PACRGL: variants seen among roughly 807,000 people sequenced by gnomAD.
PACRGL encodes the protein parkin coregulated like.
PACRGL carries 38 observed loss-of-function variants against 34.5 expected under a neutral mutation model. The ratio of observed to expected loss-of-function variants is 1.10; its 90% CI spans 0.85 to 1.44. The LOEUF (loss-of-function observed/expected upper bound fraction) is 1.44, where lower values mean the gene tolerates loss of function less well. PACRGL is among the 40% of genes most tolerant of loss of function. PACRGL has a pLI of 0.00. For missense variants in PACRGL, 305 were observed against 281.4 expected, an observed-to-expected ratio of 1.08 and a Z score of -0.60; for synonymous variants, 128 against 100.1, an observed-to-expected ratio of 1.28 and a Z score of -1.66.
At chr4:20,704,167 T>C (rs1237341910) in intron 1 of PACRGL, among the ~76,000 whole-genome samples, 4 of 152,238 alleles carry the variant, frequency 2.6e-5, no homozygotes, top group African/African-American at 9.6e-5. Context: ...CTGTGTTTTC[T>C]AATGTGGTCA....
chr4:20,702,101 T>C (rs992277181), intron 1 of PACRGL: 26 of 452,736 alleles, frequency 5.7e-5, no homozygotes, highest in Non-Finnish European at 1.1e-4. Flanking sequence ...TGGTGACTTT[T>C]TGAACTCATT....
rs752130417 is a variant in PACRGL at position 20,729,643 on chromosome 4, CATG to C, written c.*2304_*2306del. 2.0e-5 allele frequency: 3 copies of C among 151,814 alleles called. No homozygotes were observed. The highest frequency in any genetic ancestry group is 4.4e-5 in the Non-Finnish European group (3 of 68,454). The allele number at this position is 151,814 out of a possible 1,614,324, so 9.4% of individuals were successfully genotyped here. On this transcript the variant is annotated 3_prime_UTR_variant, in exon 9 of 9. Coordinates refer to ENST00000503585, the MANE Select transcript of PACRGL (RefSeq NM_001258345.3). ...TTTAAATGGAATTACAGCATTCAAA[CATG>C]AAAATTAATTTAATTTCTGGAAATT...
chr4:20,747,359 G>C (rs2149328635), intron 8 of PACRGL, among the ~76,000 whole-genome samples: 1 of 152,186 alleles, frequency 6.6e-6, no homozygotes, highest in East Asian at 1.9e-4. Flanking sequence ...AACTATATTA[G>C]GTAAAACCTT....
chr4:20,704,473 A>G lies in PACRGL; in HGVS notation c.-9A>G. 1 of 1,613,640 alleles carries G rather than the reference A, an allele frequency of 6.2e-7. No individual in the cohort carries two copies. Among genetic ancestry groups the G allele is most frequent in the South Asian group, 1.1e-5 (1 of 90,990 alleles). On this transcript the variant is annotated 5_prime_UTR_variant, in exon 2 of 9. Transcript: ENST00000503585. ...TTTTTTTTTAAACTGCAGGAGTGAA[A>G]GGGAAGCAATGCAGAAATCAGAGGG...
At chr4:20,752,297 G>C (rs1753798325) in intron 8 of PACRGL, among the ~76,000 whole-genome samples, 1 of 152,088 alleles carries the variant, frequency 6.6e-6, no homozygotes, top group African/African-American at 2.4e-5. Flanking sequence ...GACAGCAGGT[G>C]ATCAGCCTGC....
chr4:20,713,247 C>T, intron 6 of PACRGL, 185 bp from the exon 7 acceptor site: 2 of 577,994 alleles, frequency 3.5e-6, no homozygotes, highest in African/African-American at 1.9e-5. Context: ...TTGTTTTTTG[C>T]TTCTAGATGT....
the PACRGL span, chr4:20,767,230 G>A: frequency 2.0e-5 from 3 of 152,018 alleles, no homozygotes; most frequent in Non-Finnish European, 2.9e-5. Context: ...TATGAATTAC[G>A]CTTTCTATTC....
chr4:20,747,198 A>G (rs562540189), intron 8 of PACRGL, among the ~76,000 whole-genome samples: 1 of 152,294 alleles, frequency 6.6e-6, no homozygotes, highest in East Asian at 1.9e-4. Flanking sequence ...CATTAACACC[A>G]TACTAAATTT....
intron 5 of PACRGL, among the ~76,000 whole-genome samples, chr4:20,710,897 T>A (rs1736835704): frequency 6.6e-6 from 1 of 152,112 alleles, no homozygotes; most frequent in African/African-American, 2.4e-5. Context: ...AGGTTGGCAT[T>A]AAAGGTTAGG....
intron 8 of PACRGL, among the ~76,000 whole-genome samples, chr4:20,742,435 T>G (rs1177598956): frequency 6.6e-6 from 1 of 152,114 alleles, no homozygotes; most frequent in East Asian, 1.9e-4. Flanking sequence ...ATAAATGTAA[T>G]CCATCATATA....
Position 20,732,268 on chromosome 4 carries a change from A to C in PACRGL, c.*4927A>C, listed in dbSNP as rs34741188. Among the ~76,000 whole-genome samples, 30,294 of 152,116 alleles carry C rather than the reference A, an allele frequency of 0.2. 3,328 individuals are homozygous for C. Among genetic ancestry groups the C allele is most frequent in the East Asian group, 0.41 (2,116 of 5,158 alleles). On this transcript the variant is annotated 3_prime_UTR_variant, in exon 9 of 9. Transcript: ENST00000503585. ...AATGCTTCTGGCTTTTCCCTTTTCA[A>C]TATAATGTGGTGAAGATGTAGAGTC...
chr4:20,699,431 C>A (rs2149014314), upstream of PACRGL, among the ~76,000 whole-genome samples: 1 of 152,256 alleles, frequency 6.6e-6, no homozygotes, highest in African/African-American at 2.4e-5. Flanking sequence ...TTTATTAATT[C>A]ATTTTATTCA....
At chr4:20,712,951 A>C in intron 6 of PACRGL, 29 bp downstream of exon 6, 8 of 1,469,408 alleles carry the variant, frequency 5.4e-6, no homozygotes, top group Non-Finnish European at 6.4e-6. Context: ...TGTACTTTAT[A>C]TTTGAAAACA....
Position 20,731,670 on chromosome 4 carries a change from T to C in PACRGL, c.*4329T>C. On this transcript the variant is annotated 3_prime_UTR_variant, in exon 9 of 9. Transcript: ENST00000503585. ...CTGTGGAGATATGATAGATAATATA[T>C]GAGTGATGCTAAGTTTTGGCAAAGA... The C allele has an allele frequency of 2.0e-6, 2 of 985,270 alleles. No individual in the cohort carries two copies. The highest frequency in any genetic ancestry group is 2.4e-6 in the Non-Finnish European group (2 of 829,806). The allele number at this position is 985,270 out of a possible 1,614,324, so 61.0% of individuals were successfully genotyped here.
chr4:20,698,455 C>T (rs2149012539), upstream of PACRGL, among the ~76,000 whole-genome samples: 1 of 152,290 alleles, frequency 6.6e-6, no homozygotes, highest in Middle Eastern at 3.4e-3. Flanking sequence ...TCTACATATG[C>T]TGATGGCTCA....
At position 20,728,141 on chromosome 4, in the gene PACRGL, C is replaced by G. The variant is rs1268033541; in HGVS notation, c.*800C>G. On this transcript the variant is annotated 3_prime_UTR_variant, in exon 9 of 9. Coordinates refer to ENST00000503585, the MANE Select transcript of PACRGL (RefSeq NM_001258345.3). ...AATATGTATTTTATAATGTACAATG[C>G]TTGGAAAATTTTCAGAGTATTCTAG... The G allele has an allele frequency of 1.3e-5, 2 of 152,130 alleles. No individual in the cohort carries two copies. Among genetic ancestry groups the G allele is most frequent in the Non-Finnish European group, 2.9e-5 (2 of 68,022 alleles). 9.4% of individuals were successfully genotyped at this position (152,130 alleles called of 1,614,324 possible). A position where few individuals can be genotyped will look rare whatever the true frequency, so the allele number is the denominator to read the frequency against.
Position 20,730,264 on chromosome 4 carries a change from G to A in PACRGL, c.*2923G>A, listed in dbSNP as rs1325592534. On this transcript the variant is annotated 3_prime_UTR_variant, in exon 9 of 9. Coordinates refer to ENST00000503585, the MANE Select transcript of PACRGL (RefSeq NM_001258345.3). The stretch of plus-strand genomic sequence containing the variant: ...CCAAAAGCTCAAATATTAAGTGTTT[G>A]CAAATGTAAATGCCATTCTATTCTA... The A allele has an allele frequency of 8.0e-6, 9 of 1,126,854 alleles. No homozygotes were observed. The highest frequency in any genetic ancestry group is 1.1e-5 in the Non-Finnish European group (9 of 833,220). 69.8% of individuals were successfully genotyped at this position (1,126,854 alleles called of 1,614,324 possible). A position where few individuals can be genotyped will look rare whatever the true frequency, so the allele number is the denominator to read the frequency against.
chr4:20,752,170 T>C (rs886907496), intron 8 of PACRGL, among the ~76,000 whole-genome samples: 2 of 149,214 alleles, frequency 1.3e-5, no homozygotes, highest in Admixed American at 1.3e-4. Flanking sequence ...GCGATTCTCC[T>C]GCCTCAGCCT....
At chr4:20,722,378 C>G (rs552033025) in intron 7 of PACRGL, among the ~76,000 whole-genome samples, 1 of 152,214 alleles carries the variant, frequency 6.6e-6, no homozygotes, top group South Asian at 2.1e-4. Context: ...CCCGGTACCT[C>G]AGTTGGAAAT....
Sources: allele counts gnomAD v4.1 joint callset (sites outside exome capture counted in the v4.1 genomes callset), GRCh38; gene constraint gnomAD v4.1.1; transcripts MANE v1.5; gene names NCBI Gene and HGNC (gene_info 2026-07-23, HGNC 2026-07-21).